PMP2: variants seen among roughly 807,000 people sequenced by gnomAD.
PMP2 encodes myelin P2 protein.
Under a neutral mutation model 15.9 loss-of-function variants are expected in PMP2, and 11 were observed. That is an observed-to-expected ratio of 0.69 (90% CI 0.44 to 1.14). PMP2 has a LOEUF of 1.14. PMP2 is among the 50% of genes most tolerant of loss of function. The pLI, the probability that PMP2 is intolerant of heterozygous loss-of-function variation, is 0.00. For missense variants in PMP2, 151 were observed against 154.0 expected (o/e 0.98, Z 0.10); for synonymous variants, 55 against 54.1 (o/e 1.02, Z -0.07).
At position 81,442,422 on chromosome 8, in the gene PMP2, A is replaced by T. The variant is rs920006541; in HGVS notation, c.*976T>A. The T allele has an allele frequency of 6.6e-6, 1 of 152,574 alleles. No individual in the cohort carries two copies. The highest frequency in any genetic ancestry group is 2.4e-5 in the African/African-American group (1 of 41,460). The allele number at this position is 152,574 out of a possible 1,614,324, so 9.5% of individuals were successfully genotyped here. A position where few individuals can be genotyped will look rare whatever the true frequency, so the allele number is the denominator to read the frequency against. On this transcript the variant is annotated 3_prime_UTR_variant, in exon 4 of 4. Coordinates refer to ENST00000256103, the MANE Select transcript of PMP2 (RefSeq NM_002677.5). ...TGTTTACAAAAAGTCTTGTACAAAAATATTTGTAGCAGCTTTATTCATAGC... is the reference window on the plus strand; with the variant it reads ...TGTTTACAAAAAGTCTTGTACAAAATTATTTGTAGCAGCTTTATTCATAGC...
At chr8:81,446,649 G>GT (rs1424652339) in intron 1 of PMP2, among the ~76,000 whole-genome samples, 1 of 152,182 alleles carries the variant, frequency 6.6e-6, no homozygotes, top group South Asian at 2.1e-4. Flanking sequence ...TAAAGTTGTT[G>GT]TAACTAATGA....
In PMP2 at chr8:81,444,523, G is replaced by A. The variant is rs756956252; in HGVS notation, c.325C>T (p.Leu109=). 8 of 1,612,182 alleles carry A rather than the reference G, an allele frequency of 5.0e-6. No individual in the cohort carries two copies. The East Asian group carries it at 1.1e-4, about 22-fold the overall frequency. The change falls in exon 3 of 4, where the codon CTA becomes TTA. Residue 109 remains leucine (L), a synonymous_variant. Transcript: ENST00000256103. ...ACCGCTACCATTTTCCCATTCACTAGCTTTCTCTTTATGGTTGTCTCTTTG... is the reference window on the plus strand; with the variant it reads ...ACCGCTACCATTTTCCCATTCACTAACTTTCTCTTTATGGTTGTCTCTTTG... ...DGKETTIKRK[L]VNGKMVAECK...
chr8:81,444,713 C>T (rs1807414334), intron 2 of PMP2, 104 bp downstream of exon 2: 2 of 1,357,832 alleles, frequency 1.5e-6, no homozygotes, highest in South Asian at 2.4e-5. Flanking sequence ...AGGAGGTACA[C>T]TCCTTTTCAA....
intron 1 of PMP2, among the ~76,000 whole-genome samples, chr8:81,445,872 A>G (rs1297621469): frequency 6.6e-6 from 1 of 152,176 alleles, no homozygotes. Context: ...CTATACTATT[A>G]TAAATGATCA....
chr8:81,444,914 ATAATATCTCCTTTCTTGCTGATGATCAC>A lies in PMP2; in HGVS notation c.121_148del (p.Val41Ter), dbSNP rs753162474. ...AAAGGTACTTTCAGTTCGTATAGTT[ATAATATCTCCTTTCTTGCTGATGATCAC>A]AGTGGGTTTGGCCAAATTTCCCAGT... On this transcript the variant is annotated frameshift_variant, in exon 2 of 4. Coordinates refer to ENST00000256103, the MANE Select transcript of PMP2 (RefSeq NM_002677.5). LOFTEE classifies it high-confidence loss of function. 6.2e-7 allele frequency: 1 copy of A among 1,613,870 alleles called. No individual in the cohort carries two copies.
intron 1 of PMP2, among the ~76,000 whole-genome samples, chr8:81,446,319 CTTTCT>C (rs1389708958): frequency 2.6e-5 from 4 of 152,178 alleles, no homozygotes; most frequent in African/African-American, 7.2e-5. Context: ...TTCACTGAGA[CTTTCT>C]TTTATTTGGC....
Position 81,442,033 on chromosome 8 carries a change from C to G in PMP2, c.*1365G>C, listed in dbSNP as rs757279269. 1 of 152,020 alleles carries G rather than the reference C, an allele frequency of 6.6e-6. No homozygotes were observed. Among genetic ancestry groups the G allele is most frequent in the South Asian group, 2.1e-4 (1 of 4,828 alleles). The allele number at this position is 152,020 out of a possible 1,614,324, so 9.4% of individuals were successfully genotyped here. A position where few individuals can be genotyped will look rare whatever the true frequency, so the allele number is the denominator to read the frequency against. ...AAATATATGCATGTGTATACACACA[C>G]GCACATAAATGCATGTGTATTATCA... On this transcript the variant is annotated 3_prime_UTR_variant, in exon 4 of 4. Coordinates refer to ENST00000256103, the MANE Select transcript of PMP2 (RefSeq NM_002677.5).
In PMP2 at chr8:81,441,532, A is replaced by G. The variant is rs1018590519; in HGVS notation, c.*1866T>C. 7.5e-6 allele frequency: 1 copy of G among 133,572 alleles called. No homozygotes were observed. The highest frequency in any genetic ancestry group is 7.4e-5 in the Admixed American group (1 of 13,494). 8.3% of individuals were successfully genotyped at this position (133,572 alleles called of 1,614,324 possible). ...AACCTTCTCATTTCTCTATCTATCTATCTATCTATCTATCTATCTATCTAT... is the reference window on the plus strand; with the variant it reads ...AACCTTCTCATTTCTCTATCTATCTGTCTATCTATCTATCTATCTATCTAT... On this transcript the variant is annotated 3_prime_UTR_variant, in exon 4 of 4. Coordinates refer to ENST00000256103, the MANE Select transcript of PMP2 (RefSeq NM_002677.5).
At position 81,444,500 on chromosome 8, in the gene PMP2, C is replaced by T. The variant is rs748491182; in HGVS notation, c.348G>A (p.Ala116=). 134 of 1,585,368 alleles carry T rather than the reference C, an allele frequency of 8.5e-5. No individual in the cohort carries two copies. The highest frequency in any genetic ancestry group is 1.0e-4 in the Non-Finnish European group (121 of 1,154,704). ...TATTTAGAAGTAAAGATACTCTTAC[C>T]GCTACCATTTTCCCATTCACTAGCT... ...KRKLVNGKMV[A]ECKMKGVVCT... The change falls in exon 3 of 4, where the codon GCG becomes GCA. Residue 116 remains alanine (A), a splice_region_variant and synonymous_variant. Coordinates refer to ENST00000256103, the MANE Select transcript of PMP2 (RefSeq NM_002677.5).
intron 2 of PMP2, 40 bp downstream of exon 2, chr8:81,444,777 G>T: frequency 6.3e-7 from 1 of 1,579,018 alleles, no homozygotes; most frequent in East Asian, 2.2e-5. Flanking sequence ...CTCTCAAGCA[G>T]CCCACTGGGC....
Position 81,441,595 on chromosome 8 carries a change from CCTAT to C in PMP2, c.*1799_*1802del, listed in dbSNP as rs578123258. 20 of 151,894 alleles carry C rather than the reference CCTAT, an allele frequency of 1.3e-4. 1 individual carries two copies. Among genetic ancestry groups the C allele is most frequent in the South Asian group, 2.1e-4 (1 of 4,810 alleles). The allele number at this position is 151,894 out of a possible 1,614,324, so 9.4% of individuals were successfully genotyped here. On this transcript the variant is annotated 3_prime_UTR_variant, in exon 4 of 4. Transcript: ENST00000256103. ...CTATCTATCATCTGTCAGTCATCTACCTATCTATCGATTATCTATCATTATATCA... is the reference window on the plus strand; with the variant it reads ...CTATCTATCATCTGTCAGTCATCTACCTATCGATTATCTATCATTATATCA...
chr8:81,446,720 G>A (rs1807455044), intron 1 of PMP2, among the ~76,000 whole-genome samples: 1 of 152,156 alleles, frequency 6.6e-6, no homozygotes, highest in African/African-American at 2.4e-5. Context: ...TAGCGAAATT[G>A]AGTTTGAATT....
At position 81,441,699 on chromosome 8, in the gene PMP2, T is replaced by C. The variant is rs1807350339; in HGVS notation, c.*1699A>G. On this transcript the variant is annotated 3_prime_UTR_variant, in exon 4 of 4. Transcript: ENST00000256103. ...TTTATTTTTTTCTCAATTATCTTGTTATTTATTTTTCTCAATTATTTTGCT... is the reference window on the plus strand; with the variant it reads ...TTTATTTTTTTCTCAATTATCTTGTCATTTATTTTTCTCAATTATTTTGCT... 6.6e-6 allele frequency: 1 copy of C among 152,140 alleles called. No homozygotes were observed. The highest frequency in any genetic ancestry group is 1.5e-5 in the Non-Finnish European group (1 of 67,972). 9.4% of individuals were successfully genotyped at this position (152,140 alleles called of 1,614,324 possible).
rs1049974445 is a variant in PMP2 at position 81,440,664 on chromosome 8, C to G, written c.*2734G>C. The G allele has an allele frequency of 6.6e-6, 1 of 152,130 alleles. No individual in the cohort carries two copies. The highest frequency in any genetic ancestry group is 2.4e-5 in the African/African-American group (1 of 41,430). 9.4% of individuals were successfully genotyped at this position (152,130 alleles called of 1,614,324 possible). A position where few individuals can be genotyped will look rare whatever the true frequency, so the allele number is the denominator to read the frequency against. On this transcript the variant is annotated 3_prime_UTR_variant, in exon 4 of 4. Coordinates refer to ENST00000256103, the MANE Select transcript of PMP2 (RefSeq NM_002677.5). ...CTCAGATTATTGTTAAATTTTACCT[C>G]ATTTACTTTATCAATTGCTCTTTCT...
At chr8:81,446,663 G>A (rs141973407) in intron 1 of PMP2, among the ~76,000 whole-genome samples, 9 of 152,244 alleles carry the variant, frequency 5.9e-5, no homozygotes, top group South Asian at 2.1e-4. Flanking sequence ...CTAATGACTC[G>A]GTTTTCCATC....
In PMP2 at chr8:81,444,907, T is replaced by C. The variant is rs368562122; in HGVS notation, c.156A>G (p.Ile52Met). The change falls in exon 2 of 4, where the codon ATA becomes ATG. Residue 52 changes from isoleucine to methionine, a missense_variant. Ile to Met is a conservative substitution (Grantham distance 10). Transcript: ENST00000256103. ...IISKKGDIIT[I>M]RTESTFKNTE... The stretch of plus-strand genomic sequence containing the variant: ...TATTTTTAAAGGTACTTTCAGTTCG[T>C]ATAGTTATAATATCTCCTTTCTTGC... 1.2e-6 allele frequency: 2 copies of C among 1,613,840 alleles called. No homozygotes were observed. The highest frequency in any genetic ancestry group is 1.7e-6 in the Non-Finnish European group (2 of 1,179,692).
At position 81,442,777 on chromosome 8, in the gene PMP2, G is replaced by A. The variant is rs1807372772; in HGVS notation, c.*621C>T. 6.6e-6 allele frequency: 1 copy of A among 152,066 alleles called. No homozygotes were observed. The highest frequency in any genetic ancestry group is 1.5e-5 in the Non-Finnish European group (1 of 67,952). 9.4% of individuals were successfully genotyped at this position (152,066 alleles called of 1,614,324 possible). A position where few individuals can be genotyped will look rare whatever the true frequency, so the allele number is the denominator to read the frequency against. ...TACTAGGATTAAGAAAATGTTTTGT[G>A]TCTTGAGTGGGATGTGAGTTATATT... On this transcript the variant is annotated 3_prime_UTR_variant, in exon 4 of 4. Coordinates refer to ENST00000256103, the MANE Select transcript of PMP2 (RefSeq NM_002677.5).
In PMP2 at chr8:81,442,128, A is replaced by T. The variant is rs1178948574; in HGVS notation, c.*1270T>A. 6.6e-6 allele frequency: 1 copy of T among 152,110 alleles called. No homozygotes were observed. Among genetic ancestry groups the T allele is most frequent in the Admixed American group, 6.5e-5 (1 of 15,276 alleles). 9.4% of individuals were successfully genotyped at this position (152,110 alleles called of 1,614,324 possible). A position where few individuals can be genotyped will look rare whatever the true frequency, so the allele number is the denominator to read the frequency against. On this transcript the variant is annotated 3_prime_UTR_variant, in exon 4 of 4. Transcript: ENST00000256103. ...ATAAACGTACATATACATGGTTTAGAAATTATGAATTTATACCAATTCTAT... is the reference window on the plus strand; with the variant it reads ...ATAAACGTACATATACATGGTTTAGTAATTATGAATTTATACCAATTCTAT...
Position 81,447,315 on chromosome 8 carries a change from C to T in PMP2, c.72G>A (p.Leu24=). The change falls in exon 1 of 4, where the codon CTG becomes CTA. Residue 24 remains leucine, a splice_region_variant and synonymous_variant. Coordinates refer to ENST00000256103, the MANE Select transcript of PMP2 (RefSeq NM_002677.5). Reference sequence around the variant, plus strand: ...AGAACAACAAAAAGCATTTCTTACCCAGAGCTTTCATGTAATCGTCAAAGT... The same window carrying T: ...AGAACAACAAAAAGCATTTCTTACCTAGAGCTTTCATGTAATCGTCAAAGT... The part of the protein sequence containing the change: ...SENFDDYMKA[L]GVGLATRKLG... 1 of 1,611,366 alleles carries T rather than the reference C, an allele frequency of 6.2e-7. No homozygotes were observed. Among genetic ancestry groups the T allele is most frequent in the Non-Finnish European group, 8.5e-7 (1 of 1,177,510 alleles).
Sources: allele counts gnomAD v4.1 joint callset (sites outside exome capture counted in the v4.1 genomes callset), GRCh38; gene constraint gnomAD v4.1.1; transcripts MANE v1.5; gene names NCBI Gene and HGNC (gene_info 2026-07-23, HGNC 2026-07-21).